The following IL6ST variants were observed in gnomAD, a reference collection of about 807,000 sequenced individuals.
The protein encoded by IL6ST is interleukin-6 receptor subunit beta.
In IL6ST, 24 loss-of-function variants were observed where a neutral mutation model predicts 91.3. That is an observed-to-expected ratio of 0.26 (90% CI 0.19 to 0.37). The LOEUF (loss-of-function observed/expected upper bound fraction) is 0.37, where lower values mean the gene tolerates loss of function less well. Among genes scored for constraint, IL6ST ranks in the 10% least tolerant of loss-of-function variants. The pLI is 1.00. For missense variants in IL6ST, 914 were observed against 1,078.5 expected (o/e 0.85, Z 2.14); for synonymous variants, 351 against 373.6 (o/e 0.94, Z 0.70).
At chr5:55,951,262 A>T (rs1357884368) in intron 14 of IL6ST, among the ~76,000 whole-genome samples, 1 of 152,244 alleles carries the variant, frequency 6.6e-6, no homozygotes, top group Non-Finnish European at 1.5e-5. Flanking sequence ...GTACAGCTGA[A>T]TATAGTCAGA....
At chr5:55,992,981 A>G (rs3804274) in intron 1 of IL6ST, among the ~76,000 whole-genome samples, 1,855 of 152,306 alleles carry the variant, frequency 0.012, 25 homozygotes, top group South Asian at 0.043. Context: ...AGCAGGTAGT[A>G]ATTGCTTAGT....
At chr5:55,967,200 C>T (rs1295908840) in intron 5 of IL6ST, among the ~76,000 whole-genome samples, 1 of 149,928 alleles carries the variant, frequency 6.7e-6, no homozygotes, top group Non-Finnish European at 1.5e-5. Context: ...ATCCCAGCTA[C>T]TCAGGAGGCT....
rs1435488055 is a variant in IL6ST, at chr5:55,937,495, G to A, written c.*3587C>T. 1.4e-5 allele frequency: 3 copies of A among 210,126 alleles called. No homozygotes were observed. Among genetic ancestry groups the A allele is most frequent in the Non-Finnish European group, 2.9e-5 (3 of 103,402 alleles). The allele number at this position is 210,126 out of a possible 1,614,324, so 13.0% of individuals were successfully genotyped here. A position where few individuals can be genotyped will look rare whatever the true frequency, so the allele number is the denominator to read the frequency against. On this transcript the variant is annotated 3_prime_UTR_variant, in exon 17 of 17. Transcript: ENST00000381298. ...TTACATCATCTGAATTCTGTTTATC[G>A]AGTCTGAAAAGGAACTGCTGCCAAG...
chr5:55,974,427 G>C (rs905042224), intron 3 of IL6ST, among the ~76,000 whole-genome samples: 1 of 152,022 alleles, frequency 6.6e-6, no homozygotes, highest in Non-Finnish European at 1.5e-5. Flanking sequence ...CCGGGTTCAA[G>C]TGACTCTCCC....
At chr5:55,964,937 G>A (rs1158919644) in intron 5 of IL6ST, among the ~76,000 whole-genome samples, 4 of 151,978 alleles carry the variant, frequency 2.6e-5, no homozygotes, top group Non-Finnish European at 5.9e-5. Flanking sequence ...AACAAAAATG[G>A]TTAGCCTCTA....
intron 3 of IL6ST, among the ~76,000 whole-genome samples, chr5:55,972,565 T>C (rs1347908551): frequency 3.9e-5 from 6 of 152,128 alleles, no homozygotes; most frequent in Admixed American, 2.6e-4. Flanking sequence ...GCTTCAATAA[T>C]ACCATCCCAT....
At chr5:55,963,202 C>T (rs894643501) in intron 7 of IL6ST, 150 bp downstream of exon 7, 6 of 544,758 alleles carry the variant, frequency 1.1e-5, no homozygotes, top group African/African-American at 1.9e-5. Context: ...TCCTGATTCC[C>T]CTTGTTTGAA....
At chr5:55,985,304 T>C (rs1753898056) in intron 1 of IL6ST, among the ~76,000 whole-genome samples, 1 of 152,038 alleles carries the variant, frequency 6.6e-6, no homozygotes, top group Non-Finnish European at 1.5e-5. Flanking sequence ...TCACCTGAGT[T>C]CAGAAGTTCG....
At chr5:55,984,428 AAT>A (rs1753838725) in intron 1 of IL6ST, among the ~76,000 whole-genome samples, 1 of 152,232 alleles carries the variant, frequency 6.6e-6, no homozygotes, top group Non-Finnish European at 1.5e-5. Context: ...CCTTTAGTAC[AAT>A]ATGACTGGTG....
At chr5:55,983,609 A>G (rs1753789823) in intron 1 of IL6ST, among the ~76,000 whole-genome samples, 1 of 152,230 alleles carries the variant, frequency 6.6e-6, no homozygotes, top group Non-Finnish European at 1.5e-5. Context: ...TTTCATACAC[A>G]TTAAGCCTTT....
intron 1 of IL6ST, among the ~76,000 whole-genome samples, chr5:55,990,404 T>C (rs1318724870): frequency 6.6e-6 from 1 of 152,246 alleles, no homozygotes; most frequent in Non-Finnish European, 1.5e-5. Flanking sequence ...CTGGTTTCTA[T>C]GTAACCAGAT....
At chr5:55,955,922 G>A (rs945499861) in intron 10 of IL6ST, 103 bp downstream of exon 10, 7 of 659,622 alleles carry the variant, frequency 1.1e-5, no homozygotes, top group Non-Finnish European at 1.9e-5. Context: ...CCCTGATACT[G>A]AGGAGACAGT....
At chr5:55,954,692 G>A in intron 11 of IL6ST, 118 bp downstream of exon 11, 9 of 663,922 alleles carry the variant, frequency 1.4e-5, no homozygotes, top group Non-Finnish European at 2.3e-5. Flanking sequence ...CTAGTAAGTA[G>A]TGAGGCTATG....
chr5:55,992,582 T>C (rs1278505769), intron 1 of IL6ST, among the ~76,000 whole-genome samples: 2 of 152,238 alleles, frequency 1.3e-5, no homozygotes, highest in Non-Finnish European at 2.9e-5. Flanking sequence ...ACTAAATATA[T>C]TGCCTGTTTT....
rs772319920 is a variant in IL6ST, at chr5:55,969,688, G to C, written c.232C>G (p.Gln78Glu). 3 of 1,611,638 alleles carry C rather than the reference G, an allele frequency of 1.9e-6. No homozygotes were observed. The highest frequency in any genetic ancestry group is 1.7e-6 in the Non-Finnish European group (2 of 1,177,930). ...KTNHFTIPKE[Q>E]YTIINRTASS... ...GCTGTTCTGTTTATGATAGTATATT[G>C]CTCCTTAGGAATAGTAAAATGGTTT... The change falls in exon 4 of 17, where the codon CAA (glutamine) becomes GAA (glutamate). Residue 78 changes from glutamine (Q) to glutamate (E), a missense_variant. Transcript: ENST00000381298.
intron 1 of IL6ST, among the ~76,000 whole-genome samples, chr5:55,983,771 A>G (rs1222080875): frequency 6.6e-6 from 1 of 152,160 alleles, no homozygotes. Flanking sequence ...TTCTTGCAAA[A>G]TTTTTTATAC....
chr5:55,958,631 A>T (rs956176624), intron 8 of IL6ST, among the ~76,000 whole-genome samples: 2 of 152,118 alleles, frequency 1.3e-5, no homozygotes, highest in African/African-American at 4.8e-5. Flanking sequence ...TCAGTTCAGT[A>T]GTTCAAGACC....
At chr5:55,993,263 G>C (rs950193178) in intron 1 of IL6ST, among the ~76,000 whole-genome samples, 5 of 152,192 alleles carry the variant, frequency 3.3e-5, no homozygotes, top group East Asian at 3.8e-4. Context: ...TATGAGAAAC[G>C]TGTCAACATG....
At chr5:55,988,000 G>A (rs528070223) in intron 1 of IL6ST, among the ~76,000 whole-genome samples, 9 of 152,106 alleles carry the variant, frequency 5.9e-5, no homozygotes, top group Non-Finnish European at 8.8e-5. Context: ...TCGTGGTGGT[G>A]GGCACCTATA....
Sources: gnomAD v4.1 joint callset for allele counts (sites outside exome capture counted in the v4.1 genomes callset) on GRCh38, gnomAD v4.1.1 for gene constraint, MANE v1.5 for transcripts, NCBI Gene and HGNC (gene_info 2026-07-23, HGNC 2026-07-21) for gene names.